Variants in GPR39 observed in about 807,000 individuals in gnomAD.
GPR39 encodes the protein zinc sensing receptor.
GPR39 carries 23 observed loss-of-function variants against 18.4 expected under a neutral mutation model. The observed-to-expected ratio is 1.25, with a 90% confidence interval of 0.90 to 1.77. The LOEUF is 1.77. Ranked by LOEUF, GPR39 falls within the 40% of genes most tolerant of loss-of-function variation. The pLI is 0.00. For synonymous variants in GPR39, 280 were observed against 257.9 expected (o/e 1.09, Z -0.82); for missense variants, 647 against 602.4 (o/e 1.07, Z -0.78).
At chr2:132,447,046 A>G (rs1680549997) in intron 1 of GPR39, among the ~76,000 whole-genome samples, 1 of 152,238 alleles carries the variant, frequency 6.6e-6, no homozygotes, top group South Asian at 2.1e-4. Flanking sequence ...CACCTGGTCA[A>G]GAGAGCTGCT....
rs72841240 is a variant in GPR39, at chr2:132,600,381, G to A, written c.857-44720G>A. ...CAAAACAAACCTAAATTAGTAGAAG[G>A]AAAGGAAAATAAAGATGAGAGCAGA... On this transcript the variant is annotated intron_variant, in intron 1 of 1. Transcript: ENST00000329321. 4.8e-3 allele frequency among the ~76,000 whole-genome samples: 727 copies of A among 152,054 alleles called. 4 individuals are homozygous for A. Among genetic ancestry groups the A allele is most frequent in the Middle Eastern group, 6.8e-3 (2 of 294 alleles).
intron 1 of GPR39, among the ~76,000 whole-genome samples, chr2:132,556,397 A>G (rs1256944734): frequency 1.3e-5 from 2 of 152,204 alleles, no homozygotes; most frequent in Admixed American, 6.5e-5. Flanking sequence ...TAACTAGCTC[A>G]CAAAAATTCC....
intron 1 of GPR39, among the ~76,000 whole-genome samples, chr2:132,447,814 C>T (rs114219975): frequency 2.6e-5 from 4 of 152,180 alleles, no homozygotes; most frequent in Non-Finnish European, 5.9e-5. Flanking sequence ...AGCTATTGAC[C>T]TTTGGATTCC....
intron 1 of GPR39, among the ~76,000 whole-genome samples, chr2:132,592,017 C>A (rs4518015): frequency 0.41 from 61,474 of 151,678 alleles, 14,276 homozygotes; most frequent in East Asian, 0.81. Flanking sequence ...AATTATATTT[C>A]CTTGGTAAAC....
At chr2:132,432,936 T>C (rs892847771) in intron 1 of GPR39, among the ~76,000 whole-genome samples, 4 of 152,238 alleles carry the variant, frequency 2.6e-5, no homozygotes, top group Admixed American at 2.0e-4. Flanking sequence ...TAGGTCGTCA[T>C]TGAAAACTAC....
intron 1 of GPR39, among the ~76,000 whole-genome samples, chr2:132,642,968 C>A (rs1681885027): frequency 6.6e-6 from 1 of 152,146 alleles, no homozygotes; most frequent in Admixed American, 6.5e-5. Flanking sequence ...ATGAGCCTCT[C>A]AATCAGAGCT....
intron 1 of GPR39, among the ~76,000 whole-genome samples, chr2:132,445,563 T>C (rs1680520153): frequency 6.6e-6 from 1 of 152,252 alleles, no homozygotes; most frequent in African/African-American, 2.4e-5. Context: ...AATTGATGTA[T>C]ATAGGACATT....
intron 1 of GPR39, among the ~76,000 whole-genome samples, chr2:132,610,333 CATTA>C (rs1005691282): frequency 2.4e-4 from 37 of 152,130 alleles, no homozygotes; most frequent in African/African-American, 8.9e-4. Flanking sequence ...GAACATGAAG[CATTA>C]ATTAAGATGA....
intron 1 of GPR39, among the ~76,000 whole-genome samples, chr2:132,438,602 T>C (rs1424962750): frequency 6.7e-6 from 1 of 148,574 alleles, no homozygotes; most frequent in East Asian, 2.0e-4. Flanking sequence ...TTTTTTTACA[T>C]TTTTTTGAGT....
chr2:132,571,063 A>G (rs77477711), intron 1 of GPR39, among the ~76,000 whole-genome samples: 2,768 of 152,268 alleles, frequency 0.018, 101 homozygotes, highest in African/African-American at 0.064. Context: ...GAATGAGTAC[A>G]TTGTGCCCAA....
At chr2:132,642,597 G>C (rs151126361) in intron 1 of GPR39, among the ~76,000 whole-genome samples, 7 of 152,254 alleles carry the variant, frequency 4.6e-5, no homozygotes, top group Admixed American at 3.3e-4. Context: ...GCAAAGACAG[G>C]GCAGAAGAAA....
rs193224650 is a variant in GPR39 at position 132,641,821 on chromosome 2, G to C, written c.857-3280G>C. Among the ~76,000 whole-genome samples, 309 of 152,250 alleles carry C rather than the reference G, an allele frequency of 2.0e-3. 1 individual carries two copies. The highest frequency in any genetic ancestry group is 2.9e-3 in the Non-Finnish European group (196 of 68,020). On this transcript the variant is annotated intron_variant, in intron 1 of 1. Transcript: ENST00000329321. ...TGTGCTATATCCATTTTACATGGTG[G>C]AATTATGGTGTTTACTTTCTTGCTT...
intron 1 of GPR39, among the ~76,000 whole-genome samples, chr2:132,424,535 G>C (rs1680076489): frequency 6.6e-6 from 1 of 152,148 alleles, no homozygotes; most frequent in Admixed American, 6.5e-5. Flanking sequence ...GCCAGACTTT[G>C]TGAAGGATGA....
At chr2:132,627,148 G>A (rs1681562945) in intron 1 of GPR39, among the ~76,000 whole-genome samples, 1 of 152,002 alleles carries the variant, frequency 6.6e-6, no homozygotes, top group Non-Finnish European at 1.5e-5. Context: ...TGGATCCCAT[G>A]TTCATCACGG....
chr2:132,445,354 C>T (rs1416029446), intron 1 of GPR39, among the ~76,000 whole-genome samples: 1 of 152,048 alleles, frequency 6.6e-6, no homozygotes, highest in East Asian at 1.9e-4. Context: ...AAAGAAGAAA[C>T]TGATTCATAT....
chr2:132,545,642 G>A lies in GPR39; in HGVS notation c.857-99459G>A, dbSNP rs527878065. ...GTCTTAAAACCATCTTATAATCCAC[G>A]ATGTGTGATGGGCGTGTGTGTGTGT... On this transcript the variant is annotated intron_variant, in intron 1 of 1. Coordinates refer to ENST00000329321, the MANE Select transcript of GPR39 (RefSeq NM_001508.3). Among the ~76,000 whole-genome samples, 3 of 140,758 alleles carry A rather than the reference G, an allele frequency of 2.1e-5. No individual in the cohort carries two copies. In the South Asian group the frequency reaches 7.9e-4, roughly 37 times the overall value. The allele number at this position is 140,758 out of a possible 152,430, so 92.3% of individuals were successfully genotyped here.
At chr2:132,577,345 GA>G (rs111662809) in intron 1 of GPR39, among the ~76,000 whole-genome samples, 18,028 of 146,470 alleles carry the variant, frequency 0.12, 3,365 homozygotes, top group African/African-American at 0.41. Flanking sequence ...CCCTGTCTCA[GA>G]AAAAAAAAAA....
At chr2:132,616,422 G>C (rs186381918) in intron 1 of GPR39, among the ~76,000 whole-genome samples, 79 of 152,318 alleles carry the variant, frequency 5.2e-4, no homozygotes, top group African/African-American at 1.8e-3. Flanking sequence ...TTCAGCGACA[G>C]ATTTGAGTGT....
At chr2:132,553,743 A>G (rs1680097502) in intron 1 of GPR39, among the ~76,000 whole-genome samples, 1 of 152,162 alleles carries the variant, frequency 6.6e-6, no homozygotes, top group Non-Finnish European at 1.5e-5. Context: ...TCAGGTTCCC[A>G]GGCCTAGAAC....
Sources: gnomAD v4.1 joint callset for allele counts (sites outside exome capture counted in the v4.1 genomes callset) on GRCh38, gnomAD v4.1.1 for gene constraint, MANE v1.5 for transcripts, NCBI Gene and HGNC (gene_info 2026-07-23, HGNC 2026-07-21) for gene names.